Variants in FYCO1 observed in about 807,000 individuals in gnomAD.
The protein encoded by FYCO1 is FYVE and coiled-coil domain-containing protein 1.
FYCO1 carries 122 observed loss-of-function variants against 165.1 expected under a neutral mutation model. That is an observed-to-expected ratio of 0.74 (90% CI 0.64 to 0.86). The LOEUF (loss-of-function observed/expected upper bound fraction) is 0.86. Among genes scored for constraint, FYCO1 ranks in the 40% least tolerant of loss-of-function variants. The pLI is 0.00. For missense variants in FYCO1, 1,702 were observed against 1,810.3 expected (o/e 0.94, Z 1.09); for synonymous variants, 648 against 742.5 (o/e 0.87, Z 2.07).
chr3:45,924,223 C>G (rs1222308832), intron 16 of FYCO1, among the ~76,000 whole-genome samples: 1 of 152,172 alleles, frequency 6.6e-6, no homozygotes, highest in Non-Finnish European at 1.5e-5. Flanking sequence ...TGGGCCCACT[C>G]TCCTCCAGGC....
intron 2 of FYCO1, among the ~76,000 whole-genome samples, chr3:45,983,876 C>T (rs1707180811): frequency 6.6e-6 from 1 of 152,218 alleles, no homozygotes; most frequent in South Asian, 2.1e-4. Context: ...AGGCCCAAGG[C>T]ATGGTAGACA....
intron 1 of FYCO1, among the ~76,000 whole-genome samples, chr3:45,987,392 G>T (rs577564657): frequency 6.6e-6 from 1 of 151,942 alleles, no homozygotes; most frequent in Non-Finnish European, 1.5e-5. Context: ...GGAGCATTGG[G>T]ATGAATTTAT....
In FYCO1 at chr3:45,920,785, G is replaced by A. The variant is rs183794280; in HGVS notation, c.*980C>T. On this transcript the variant is annotated 3_prime_UTR_variant, in exon 18 of 18. Coordinates refer to ENST00000296137, the MANE Select transcript of FYCO1 (RefSeq NM_024513.4). Reference sequence around the variant, plus strand: ...AGACTTTTGTTAAGAAGGCCCCAATGTTTGAAAGTGGTTCTAATCCTGGCT... The same window carrying A: ...AGACTTTTGTTAAGAAGGCCCCAATATTTGAAAGTGGTTCTAATCCTGGCT... 3.9e-5 allele frequency: 6 copies of A among 152,776 alleles called. No homozygotes were observed. The highest frequency in any genetic ancestry group is 1.2e-4 in the African/African-American group (5 of 41,578). The allele number at this position is 152,776 out of a possible 1,614,324, so 9.5% of individuals were successfully genotyped here.
intron 14 of FYCO1, among the ~76,000 whole-genome samples, chr3:45,942,890 C>T (rs1055140061): frequency 6.6e-6 from 1 of 152,148 alleles, no homozygotes; most frequent in Admixed American, 6.5e-5. Flanking sequence ...CTCTGGCAGA[C>T]CCATCATCAT....
rs533953273 is a variant in FYCO1 at position 45,940,348 on chromosome 3, G to A, written c.3945-3805C>T. On this transcript the variant is annotated intron_variant, in intron 14 of 17. Transcript: ENST00000296137. ...CTGGTAATCAGCAGCTTCCTGACAAGATCTCAGGAGTTGGGCGAGTGGGCT... is the reference window on the plus strand; with the variant it reads ...CTGGTAATCAGCAGCTTCCTGACAAAATCTCAGGAGTTGGGCGAGTGGGCT... Among the ~76,000 whole-genome samples the A allele has an allele frequency of 6.6e-5, 10 of 152,304 alleles. No homozygotes were observed. The East Asian group carries it at 1.9e-3, about 29-fold the overall frequency.
intron 4 of FYCO1, among the ~76,000 whole-genome samples, chr3:45,976,103 C>T (rs1188643374): frequency 1.3e-5 from 2 of 152,148 alleles, no homozygotes; most frequent in Non-Finnish European, 2.9e-5. Context: ...TCACACTGGG[C>T]TAAGGATAAA....
At position 45,959,529 on chromosome 3, in the gene FYCO1, G is replaced by A. The variant is rs375082007; in HGVS notation, c.3451C>T (p.Leu1151Phe). The change falls in exon 12 of 18, where the codon CTC becomes TTC. Residue 1151 changes from leucine (L) to phenylalanine (F), a missense_variant. Transcript: ENST00000296137. ...TCCAGGGCATCTGACTTCTGCCAGA[G>A]AGCATCCTTGTCCCTGGGACAAAAC... is the stretch of plus-strand genomic sequence containing the variant. Reference protein sequence around the residue: ...LIELLRDKDALWQKSDALEFQ... With the variant: ...LIELLRDKDAFWQKSDALEFQ... 2 of 1,614,186 alleles carry A rather than the reference G, an allele frequency of 1.2e-6. No individual in the cohort carries two copies. Among genetic ancestry groups the A allele is most frequent in the African/African-American group, 1.3e-5 (1 of 75,070 alleles).
intron 14 of FYCO1, among the ~76,000 whole-genome samples, chr3:45,941,609 T>C (rs538856781): frequency 6.6e-6 from 1 of 152,344 alleles, no homozygotes; most frequent in Admixed American, 6.5e-5. Flanking sequence ...TGAAAGTCTT[T>C]TGTACTATAG....
intron 8 of FYCO1, among the ~76,000 whole-genome samples, 193 bp from the exon 9 acceptor site, chr3:45,965,318 C>T (rs1189514465): frequency 6.6e-6 from 1 of 152,246 alleles, no homozygotes; most frequent in Non-Finnish European, 1.5e-5. Context: ...TTAGCCTGGT[C>T]CCCAAACTTA....
rs577655937 is a variant in FYCO1, at chr3:45,958,687, C to A, written c.3588-68G>T. 5.1e-4 allele frequency: 762 copies of A among 1,500,582 alleles called. 5 individuals are homozygous for A. Among genetic ancestry groups the A allele is most frequent in the South Asian group, 4.9e-3 (434 of 88,134 alleles). 93.0% of individuals were successfully genotyped at this position (1,500,582 alleles called of 1,614,324 possible). A position where few individuals can be genotyped will look rare whatever the true frequency, so the allele number is the denominator to read the frequency against. On this transcript the variant is annotated intron_variant, in intron 12 of 17. Transcript: ENST00000296137. The stretch of plus-strand genomic sequence containing the variant: ...GATCTTGTGTGATCTGCTCAGCACC[C>A]AAACTGGGCTCTGGATGCCATGTGA...
Position 45,973,182 on chromosome 3 carries a change from C to A in FYCO1, c.445G>T (p.Asp149Tyr). Residue 149 changes from aspartate (D) to tyrosine (Y), a missense_variant, in exon 6 of 18, where the codon GAC becomes TAC. Coordinates refer to ENST00000296137, the MANE Select transcript of FYCO1 (RefSeq NM_024513.4). Reference sequence around the variant, plus strand: ...AGCTCATAGAGTTGGCCCACAATGTCCGAGCTCAGCTTTGGCTGCAGAAAG... The same window carrying A: ...AGCTCATAGAGTTGGCCCACAATGTACGAGCTCAGCTTTGGCTGCAGAAAG... The part of the protein sequence containing the change: ...SPFLQPKLSS[D>Y]IVGQLYELTE... 3.1e-6 allele frequency: 5 copies of A among 1,614,216 alleles called. No individual in the cohort carries two copies. The highest frequency in any genetic ancestry group is 4.2e-6 in the Non-Finnish European group (5 of 1,180,022).
intron 4 of FYCO1, among the ~76,000 whole-genome samples, chr3:45,977,350 A>AATATATATAT (rs57543574): frequency 2.5e-4 from 28 of 112,690 alleles, no homozygotes; most frequent in Non-Finnish European, 3.0e-4. Flanking sequence ...AACTGAATTA[A>AATATATATAT]ATATATATAT....
chr3:45,975,270 G>A lies in FYCO1; in HGVS notation c.364C>T (p.Gln122Ter), dbSNP rs779617235. 4.3e-6 allele frequency: 7 copies of A among 1,613,802 alleles called. No homozygotes were observed. Among genetic ancestry groups the A allele is most frequent in the African/African-American group, 1.3e-5 (1 of 75,046 alleles). ...LVHQRLADTL[Q>*]QCFMNTKVTS... ...ACTTTGGTGTTCATGAAGCACTGCT[G>A]TAAGGTGTCTGCCAACCTCTGGTGC... The change falls in exon 5 of 18, where the codon CAG becomes TAG. Residue 122 changes from glutamine to a stop codon, truncating the protein, a stop_gained. Coordinates refer to ENST00000296137, the MANE Select transcript of FYCO1 (RefSeq NM_024513.4). LOFTEE classifies it high-confidence loss of function.
At position 45,931,117 on chromosome 3, in the gene FYCO1, C is replaced by T; in HGVS notation, c.4205G>A (p.Ser1402Asn). ...GTCCTCGGCCTCCTGGAAGACCACA[C>T]TGAAGGAGATGCTCTTGGGGTCAGA... ...FSSDPKSISFSVVFQEAEDTP... is the reference protein window; with the variant it reads ...FSSDPKSISFNVVFQEAEDTP... The change falls in exon 16 of 18, where the codon AGT becomes AAT. Residue 1402 changes from serine (S) to asparagine (N), a missense_variant. Transcript: ENST00000296137. 1 of 1,613,978 alleles carries T rather than the reference C, an allele frequency of 6.2e-7. No individual in the cohort carries two copies. The highest frequency in any genetic ancestry group is 8.5e-7 in the Non-Finnish European group (1 of 1,179,898).
rs761312220 is a variant in FYCO1 at position 45,964,218 on chromosome 3, GC to G, written c.3269+117del. 1 of 870,182 alleles carries G rather than the reference GC, an allele frequency of 1.1e-6. No individual in the cohort carries two copies. Among genetic ancestry groups the G allele is most frequent in the Non-Finnish European group, 2.0e-6 (1 of 512,242 alleles). 53.9% of individuals were successfully genotyped at this position (870,182 alleles called of 1,614,324 possible). Reference sequence around the variant, plus strand: ...AGCAGAAGCACTTTCTGAGTTTGTGGCTTTTCTTGCAAAAGGACTTCCTAAA... The same window carrying G: ...AGCAGAAGCACTTTCTGAGTTTGTGGTTTTCTTGCAAAAGGACTTCCTAAA... On this transcript the variant is annotated intron_variant, in intron 10 of 17. Coordinates refer to ENST00000296137, the MANE Select transcript of FYCO1 (RefSeq NM_024513.4). The surrounding 1 kb of genome is among the most constrained non-coding windows in gnomAD (Gnocchi z 4.1).
At chr3:45,944,196 CTGTG>C (rs10562426) in intron 14 of FYCO1, among the ~76,000 whole-genome samples, 7 of 150,018 alleles carry the variant, frequency 4.7e-5, no homozygotes, top group African/African-American at 1.5e-4. Flanking sequence ...GCGTGTGTGT[CTGTG>C]TGTGTGTGTG....
Position 45,966,731 on chromosome 3 carries a change from T to C in FYCO1, c.2603A>G (p.Glu868Gly). The change falls in exon 8 of 18, where the codon GAG (glutamate) becomes GGG (glycine). Residue 868 changes from glutamate to glycine, a missense_variant. By Grantham distance (98) the Glu-to-Gly change is moderately conservative. Transcript: ENST00000296137. ...ERADEAQQRE[E>G]ELRALQEELS... is the part of the protein sequence containing the mutation. ...CTCCTCCTGCAGGGCCCGCAGCTCCTCCTCCCTCTGCTGGGCCTCATCGGC... is the reference window on the plus strand; with the variant it reads ...CTCCTCCTGCAGGGCCCGCAGCTCCCCCTCCCTCTGCTGGGCCTCATCGGC... 1 of 1,612,060 alleles carries C rather than the reference T, an allele frequency of 6.2e-7. No homozygotes were observed. Among genetic ancestry groups the C allele is most frequent in the Non-Finnish European group, 8.5e-7 (1 of 1,179,968 alleles).
In FYCO1 at chr3:45,965,110, A is replaced by G. The variant is rs1424684266; in HGVS notation, c.3073T>C (p.Cys1025Arg). Residue 1025 changes from cysteine (C) to arginine (R), a missense_variant, in exon 9 of 18, where the codon TGC (cysteine) becomes CGC (arginine). Cys to Arg is a radical substitution (Grantham distance 180). Coordinates refer to ENST00000296137, the MANE Select transcript of FYCO1 (RefSeq NM_024513.4). ...QSRLKNAGEE[C>R]KSLRGQLEEQ... ...TCAAGCTGGCCCCTGAGGCTCTTGCACTCTTCACCAGCATTCTAGAGAGGA... is the reference window on the plus strand; with the variant it reads ...TCAAGCTGGCCCCTGAGGCTCTTGCGCTCTTCACCAGCATTCTAGAGAGGA... 1.2e-6 allele frequency: 2 copies of G among 1,613,570 alleles called. No individual in the cohort carries two copies. Among genetic ancestry groups the G allele is most frequent in the Admixed American group, 1.7e-5 (1 of 59,996 alleles).
At chr3:45,965,249 T>C (rs781119747) in intron 8 of FYCO1, 124 bp from the exon 9 acceptor site, 1 of 717,534 alleles carries the variant, frequency 1.4e-6, no homozygotes, top group Non-Finnish European at 2.5e-6. Flanking sequence ...AACTGGCTCC[T>C]CAATGAGCTT....
Sources: gnomAD v4.1 joint callset for allele counts (sites outside exome capture counted in the v4.1 genomes callset) on GRCh38, gnomAD v4.1.1 for gene constraint, Gnocchi (gnomAD v3.1) non-coding constraint, MANE v1.5 for transcripts, NCBI Gene and HGNC (gene_info 2026-07-23, HGNC 2026-07-21) for gene names.